Variants in LIG3 observed in about 807,000 individuals in gnomAD.
The protein encoded by LIG3 is DNA ligase 3, also known as ligase II, DNA, ATP-dependent.
A neutral mutation model predicts 110.9 loss-of-function variants in LIG3; 58 were observed. The ratio of observed to expected loss-of-function variants is 0.52; its 90% CI spans 0.42 to 0.65. The LOEUF is 0.65. LIG3 is among the 30% of genes least tolerant of loss of function. The pLI is 0.00. For synonymous variants in LIG3, 422 were observed against 472.8 expected (o/e 0.89, Z 1.39); for missense variants, 1,094 against 1,273.8 (o/e 0.86, Z 2.15).
Position 34,992,068 on chromosome 17 carries a change from T to A in LIG3, c.1286+33T>A, listed in dbSNP as rs774833286. 4 of 1,587,710 alleles carry A rather than the reference T, an allele frequency of 2.5e-6. No homozygotes were observed. In the African/African-American group the frequency reaches 5.4e-5, roughly 21 times the overall value. ...GCAGCTCCGCTGACAGCCTGAGCTG[T>A]CATTTGTTAGCTTTGTTTGTTCCCA... On this transcript the variant is annotated intron_variant, in intron 7 of 19. Transcript: ENST00000378526.
chr17:35,006,782 C>G lies in LIG3; in HGVS notation c.*2276C>G, dbSNP rs1345212655. The stretch of plus-strand genomic sequence containing the variant: ...TTAACAGGCTCTGGACCTATAAGAT[C>G]AAGGACCACTGCGCCCCCTGGCCAC... On this transcript the variant is annotated 3_prime_UTR_variant, in exon 20 of 20. Coordinates refer to ENST00000378526, the MANE Select transcript of LIG3 (RefSeq NM_013975.4). 3 of 152,124 alleles carry G rather than the reference C, an allele frequency of 2.0e-5. No homozygotes were observed. The highest frequency in any genetic ancestry group is 7.3e-5 in the African/African-American group (3 of 41,292). The allele number at this position is 152,124 out of a possible 1,614,324, so 9.4% of individuals were successfully genotyped here.
intron 1 of LIG3, among the ~76,000 whole-genome samples, 151 bp from the exon 2 acceptor site, chr17:34,982,851 T>C (rs570800395): frequency 6.6e-6 from 1 of 152,196 alleles, no homozygotes; most frequent in African/African-American, 2.4e-5. Context: ...AACTCTTTCA[T>C]GCTGTAGAGT....
At chr17:34,998,969 C>T (rs937392049) in intron 14 of LIG3, 50 of 517,772 alleles carry the variant, frequency 9.7e-5, no homozygotes, top group African/African-American at 8.9e-4. Context: ...CCAATTATTT[C>T]GTCAGGGCCT....
intron 13 of LIG3, 53 bp from the exon 14 acceptor site, chr17:34,998,551 A>G: frequency 1.9e-6 from 3 of 1,603,494 alleles, no homozygotes; most frequent in Non-Finnish European, 2.6e-6. Context: ...GGGTGAACCC[A>G]TCCTCATGGA....
chr17:34,998,518 A>G, intron 13 of LIG3, 86 bp from the exon 14 acceptor site: 1 of 1,521,024 alleles, frequency 6.6e-7, no homozygotes. Context: ...GCACTGGGCT[A>G]GATCTGGTGT....
rs12945428 is a variant in LIG3 at position 34,980,567 on chromosome 17, G to A, written c.-60G>A. 563,708 of 1,285,540 alleles carry A rather than the reference G, an allele frequency of 0.44. 128,066 individuals carry two copies. Among genetic ancestry groups the A allele is most frequent in the Non-Finnish European group, 0.47 (460,732 of 986,384 alleles). 79.6% of individuals were successfully genotyped at this position (1,285,540 alleles called of 1,614,324 possible). ...GCTCCAACCGTCGTGGGCTGCCCGCGGCCTGTAATGAGCAAGTTCCGAGGC... is the reference window on the plus strand; with the variant it reads ...GCTCCAACCGTCGTGGGCTGCCCGCAGCCTGTAATGAGCAAGTTCCGAGGC... On this transcript the variant is annotated 5_prime_UTR_variant, in exon 1 of 20. Coordinates refer to ENST00000378526, the MANE Select transcript of LIG3 (RefSeq NM_013975.4).
At chr17:35,001,157 C>A in intron 16 of LIG3, 100 bp from the exon 17 acceptor site, 1 of 1,271,346 alleles carries the variant, frequency 7.9e-7, no homozygotes, top group Non-Finnish European at 1.1e-6. Context: ...CTGCCCACCT[C>A]AGCCTTCCTA....
At chr17:34,997,537 C>A (rs2142272140) in intron 11 of LIG3, 1 of 562,780 alleles carries the variant, frequency 1.8e-6, no homozygotes, top group East Asian at 2.9e-5. Context: ...TGGCTCTATG[C>A]CACAGCTCAC....
rs2090651196 is a variant in LIG3 at position 34,986,040 on chromosome 17, T to C, written c.600T>C (p.Ala200=). 1.2e-6 allele frequency: 2 copies of C among 1,614,094 alleles called. No homozygotes were observed. Among genetic ancestry groups the C allele is most frequent in the African/African-American group, 1.3e-5 (1 of 75,058 alleles). Residue 200 remains alanine, a synonymous_variant, in exon 3 of 20, where the codon GCT becomes GCC. Coordinates refer to ENST00000378526, the MANE Select transcript of LIG3 (RefSeq NM_013975.4). ...GTPKKKAVVQ[A]KLTTTGQVTS... ...CAAAGAAGAAAGCTGTTGTCCAGGCTAAGTTGACAACCACTGGCCAGGTGA... is the reference window on the plus strand; with the variant it reads ...CAAAGAAGAAAGCTGTTGTCCAGGCCAAGTTGACAACCACTGGCCAGGTGA...
At chr17:34,989,215 G>C (rs376447063) in intron 3 of LIG3, among the ~76,000 whole-genome samples, 1 of 152,036 alleles carries the variant, frequency 6.6e-6, no homozygotes, top group African/African-American at 2.4e-5. Context: ...ATGCACATCA[G>C]TCTGGTCTTT....
Position 34,992,564 on chromosome 17 carries a change from G to GGCAA in LIG3, c.1327_1328insGCAA (p.Ala443GlyfsTer52), listed in dbSNP as rs746350793. The GGCAA allele has an allele frequency of 1.4e-5, 22 of 1,612,588 alleles. No homozygotes were observed. Among genetic ancestry groups the GGCAA allele is most frequent in the Non-Finnish European group, 1.9e-5 (22 of 1,179,352 alleles). ...CCCCAATGCCTATGAAGCCTTCAAA[G>GGCAA]CCTCGCGCAACCTGCAGGATGTGGT... is the stretch of plus-strand genomic sequence containing the variant. On this transcript the variant is annotated frameshift_variant, in exon 8 of 20. Transcript: ENST00000378526. LOFTEE classifies it high-confidence loss of function.
intron 10 of LIG3, 47 bp downstream of exon 10, chr17:34,996,242 G>C: frequency 6.3e-7 from 1 of 1,599,852 alleles, no homozygotes; most frequent in Non-Finnish European, 8.5e-7. Context: ...GTGTGAGTGA[G>C]TATGTACATG....
In LIG3 at chr17:35,001,957, G is replaced by A; in HGVS notation, c.2527G>A (p.Gly843Arg). 6.2e-7 allele frequency: 1 copy of A among 1,612,706 alleles called. No individual in the cohort carries two copies. Among genetic ancestry groups the A allele is most frequent in the Non-Finnish European group, 8.5e-7 (1 of 1,179,432 alleles). Reference sequence around the variant, plus strand: ...GAAGGCAGACTTCACTGTAGTGGCTGGAGATGAGGGGAGCTCCACTACAGG... The same window carrying A: ...GAAGGCAGACTTCACTGTAGTGGCTAGAGATGAGGGGAGCTCCACTACAGG... ...KEKADFTVVAGDEGSSTTGGS... is the reference protein window; with the variant it reads ...KEKADFTVVARDEGSSTTGGS... Residue 843 changes from glycine to arginine, a missense_variant, in exon 18 of 20, where the codon GGA becomes AGA. Transcript: ENST00000378526.
chr17:34,997,900 G>A (rs763325381), intron 12 of LIG3, 75 bp downstream of exon 12: 36 of 1,086,422 alleles, frequency 3.3e-5, no homozygotes, highest in Admixed American at 1.4e-4. Context: ...GGTCAACTGC[G>A]ACTGGAAGAA....
Position 34,999,887 on chromosome 17 carries a change from C to T in LIG3, c.2331+31C>T. 1.9e-6 allele frequency: 3 copies of T among 1,556,478 alleles called. No individual in the cohort carries two copies. The South Asian group carries it at 3.3e-5, about 17-fold the overall frequency. On this transcript the variant is annotated intron_variant, in intron 16 of 19. Transcript: ENST00000378526. ...AACCCAGTGGCTTGGGGGCCTCCAG[C>T]TCATAGAATTAGCTTGCAGGTTCTC...
In LIG3 at chr17:35,005,521, A is replaced by G. The variant is rs779009311; in HGVS notation, c.*1015A>G. The G allele has an allele frequency of 5.2e-6, 3 of 573,266 alleles. No individual in the cohort carries two copies. Among genetic ancestry groups the G allele is most frequent in the Non-Finnish European group, 1.1e-5 (3 of 284,586 alleles). 35.5% of individuals were successfully genotyped at this position (573,266 alleles called of 1,614,324 possible). A position where few individuals can be genotyped will look rare whatever the true frequency, so the allele number is the denominator to read the frequency against. On this transcript the variant is annotated 3_prime_UTR_variant, in exon 20 of 20. Transcript: ENST00000378526. ...GAGGCCAGTAGCTTTCTTGGCCTAC[A>G]AAGTAAATGGACAGTATATTATGGA...
chr17:34,986,138 T>C lies in LIG3; in HGVS notation c.691+7T>C. ...AAATTTTCTGGCTTTTCAGGTAAGATAGGTTAGGGCTACTTTAGCTGTTAT... is the reference window on the plus strand; with the variant it reads ...AAATTTTCTGGCTTTTCAGGTAAGACAGGTTAGGGCTACTTTAGCTGTTAT... On this transcript the variant is annotated splice_region_variant and intron_variant, in intron 3 of 19. Transcript: ENST00000378526. 1.2e-6 allele frequency: 2 copies of C among 1,613,894 alleles called. No homozygotes were observed. The highest frequency in any genetic ancestry group is 1.7e-6 in the Non-Finnish European group (2 of 1,179,790).
chr17:34,999,419 G>C lies in LIG3; in HGVS notation c.2226G>C (p.Gln742His), dbSNP rs2090816091. Residue 742 changes from glutamine (Q) to histidine (H), a missense_variant, in exon 15 of 20, where the codon CAG becomes CAC. Transcript: ENST00000378526. The part of the protein sequence containing the change: ...GHDDATLARL[Q>H]NELDMVKISK... Reference sequence around the variant, plus strand: ...ATGATGCCACGCTTGCCCGCCTGCAGAATGAACTAGACATGGTGAAGATCA... The same window carrying C: ...ATGATGCCACGCTTGCCCGCCTGCACAATGAACTAGACATGGTGAAGATCA... 3 of 1,614,102 alleles carry C rather than the reference G, an allele frequency of 1.9e-6. No homozygotes were observed. The highest frequency in any genetic ancestry group is 2.5e-6 in the Non-Finnish European group (3 of 1,179,960).
At position 35,004,369 on chromosome 17, in the gene LIG3, G is replaced by A; in HGVS notation, c.2893G>A (p.Asp965Asn). 1.2e-6 allele frequency: 2 copies of A among 1,614,202 alleles called. No homozygotes were observed. Among genetic ancestry groups the A allele is most frequent in the South Asian group, 1.1e-5 (1 of 91,080 alleles). ...LRRYFVAFDG[D>N]LVQEFDMTSA... Reference sequence around the variant, plus strand: ...ACGCTACTTTGTGGCATTCGACGGGGACCTGGTACAGGAATTTGATATGAC... The same window carrying A: ...ACGCTACTTTGTGGCATTCGACGGGAACCTGGTACAGGAATTTGATATGAC... Residue 965 changes from aspartate to asparagine, a missense_variant, in exon 20 of 20, where the codon GAC becomes AAC. Asp to Asn is a conservative substitution (Grantham distance 23). Coordinates refer to ENST00000378526, the MANE Select transcript of LIG3 (RefSeq NM_013975.4).
Sources: allele counts gnomAD v4.1 joint callset (sites outside exome capture counted in the v4.1 genomes callset), GRCh38; gene constraint gnomAD v4.1.1; transcripts MANE v1.5; gene names NCBI Gene and HGNC (gene_info 2026-07-23, HGNC 2026-07-21).